TECRL: variants seen among roughly 807,000 people sequenced by gnomAD.
The protein encoded by TECRL is trans-2,3-enoyl-CoA reductase-like.
Under a neutral mutation model 52.8 loss-of-function variants are expected in TECRL, and 63 were observed. That is an observed-to-expected ratio of 1.19 (90% CI 0.97 to 1.47). The LOEUF (loss-of-function observed/expected upper bound fraction) is 1.47. Among genes scored for constraint, TECRL ranks in the 40% most tolerant of loss-of-function variants. The pLI, the probability that TECRL is intolerant of heterozygous loss-of-function variation, is 0.00. For missense variants in TECRL, 482 were observed against 429.6 expected (o/e 1.12, Z -1.08); for synonymous variants, 164 against 141.9 (o/e 1.16, Z -1.10).
At chr4:64,360,460 G>T (rs1446956209) in intron 2 of TECRL, among the ~76,000 whole-genome samples, 1 of 152,084 alleles carries the variant, frequency 6.6e-6, no homozygotes, top group East Asian at 1.9e-4. Flanking sequence ...TTAAAATCAA[G>T]AGAACATCTG....
intron 8 of TECRL, among the ~76,000 whole-genome samples, chr4:64,293,525 C>T (rs1723509025): frequency 6.6e-6 from 1 of 152,122 alleles, no homozygotes. Context: ...AATAAAGTTG[C>T]TCATCTTTTA....
Position 64,281,484 on chromosome 4 carries a change from T to C in TECRL, c.908A>G (p.Tyr303Cys). 6.3e-7 allele frequency: 1 copy of C among 1,592,080 alleles called. No individual in the cohort carries two copies. The highest frequency in any genetic ancestry group is 8.6e-7 in the Non-Finnish European group (1 of 1,163,324). The change falls in exon 10 of 12, where the codon TAC becomes TGC. Residue 303 changes from tyrosine (Y) to cysteine (C), a missense_variant. Tyr to Cys is a radical substitution (Grantham distance 194). Coordinates refer to ENST00000381210, the MANE Select transcript of TECRL (RefSeq NM_001010874.5). The part of the protein sequence containing the change: ...WMFFLVSCPN[Y>C]TYEIGSWISF... ...ACATAAATAACATACCTCATAGGTG[T>C]AGTTAGGACATGAAACCAGGAAAAA...
intron 1 of TECRL, among the ~76,000 whole-genome samples, chr4:64,405,998 G>C (rs1201381328): frequency 1.3e-5 from 2 of 152,054 alleles, no homozygotes; most frequent in Non-Finnish European, 2.9e-5. Context: ...AGAACTGATG[G>C]AAGTGAGTGC....
intron 1 of TECRL, among the ~76,000 whole-genome samples, chr4:64,381,546 A>T (rs1481614050): frequency 1.3e-5 from 2 of 151,870 alleles, no homozygotes; most frequent in Non-Finnish European, 2.9e-5. Context: ...CTTTATGTTG[A>T]GGTATGTTCA....
At chr4:64,348,666 C>T (rs1430619729) in intron 2 of TECRL, among the ~76,000 whole-genome samples, 3 of 152,148 alleles carry the variant, frequency 2.0e-5, no homozygotes, top group African/African-American at 7.2e-5. Flanking sequence ...AGAGTCTGTT[C>T]TAGCATATTT....
intron 3 of TECRL, among the ~76,000 whole-genome samples, chr4:64,324,989 G>C (rs950740853): frequency 1.3e-5 from 2 of 152,096 alleles, no homozygotes; most frequent in African/African-American, 2.4e-5. Context: ...AGATTATCTA[G>C]GTAGTCCTGA....
At chr4:64,310,450 G>C (rs1724607080) in intron 5 of TECRL, among the ~76,000 whole-genome samples, 3 of 151,910 alleles carry the variant, frequency 2.0e-5, no homozygotes, top group South Asian at 4.1e-4. Flanking sequence ...TTTTTGTTTT[G>C]TTTGTTTTTT....
At chr4:64,401,541 G>C (rs1438082950) in intron 1 of TECRL, among the ~76,000 whole-genome samples, 2 of 152,028 alleles carry the variant, frequency 1.3e-5, no homozygotes, top group Admixed American at 6.6e-5. Flanking sequence ...AGACTTCTCA[G>C]TATAATTTGT....
In TECRL at chr4:64,375,185, C is replaced by T. The variant is rs1722310513; in HGVS notation, c.273G>A (p.Lys91=). Residue 91 remains lysine, a synonymous_variant, in exon 2 of 12, where the codon AAG becomes AAA. Transcript: ENST00000381210. ...TATAAAACTTACATGCTTTGTGAAA[C>T]TTTTGCTTAACATCATGAATAGTAG... is the stretch of plus-strand genomic sequence containing the variant. ...QSSTIHDVKQ[K]FHKACPKWYP... is the part of the protein sequence containing the mutation. 7.2e-7 allele frequency: 1 copy of T among 1,396,492 alleles called. No homozygotes were observed. The highest frequency in any genetic ancestry group is 2.8e-5 in the East Asian group (1 of 35,296). The allele number at this position is 1,396,492 out of a possible 1,614,324, so 86.5% of individuals were successfully genotyped here. A position where few individuals can be genotyped will look rare whatever the true frequency, so the allele number is the denominator to read the frequency against.
chr4:64,329,437 C>A (rs1044004709), intron 2 of TECRL, among the ~76,000 whole-genome samples: 1 of 151,452 alleles, frequency 6.6e-6, no homozygotes, highest in East Asian at 1.9e-4. Context: ...AAATGAGAAA[C>A]CATGGACAGA....
chr4:64,277,118 G>T, downstream of TECRL: 1 of 1,062,162 alleles, frequency 9.4e-7, no homozygotes, highest in Non-Finnish European at 1.4e-6. Context: ...TTTAACTAAG[G>T]TATGTCTGCC....
chr4:64,358,003 C>A (rs13136366), intron 2 of TECRL, among the ~76,000 whole-genome samples: 1 of 151,474 alleles, frequency 6.6e-6, no homozygotes, highest in Non-Finnish European at 1.5e-5. Context: ...GTATTCACTA[C>A]TAATCCAAAA....
At chr4:64,354,441 AG>A (rs1186210228) in intron 2 of TECRL, among the ~76,000 whole-genome samples, 1 of 152,200 alleles carries the variant, frequency 6.6e-6, no homozygotes, top group Admixed American at 6.5e-5. Flanking sequence ...CTTTTACAGC[AG>A]GACAAGTAGC....
chr4:64,314,802 AGATG>A, intron 4 of TECRL, 39 bp from the exon 5 acceptor site: 4 of 1,435,778 alleles, frequency 2.8e-6, no homozygotes, highest in Non-Finnish European at 3.9e-6. Context: ...CGATAAAAAT[AGATG>A]TTTTTAAGGT....
intron 8 of TECRL, among the ~76,000 whole-genome samples, chr4:64,296,767 A>G (rs1405058220): frequency 6.6e-6 from 1 of 151,710 alleles, no homozygotes; most frequent in African/African-American, 2.4e-5. Flanking sequence ...GTGGAATTGG[A>G]TTCAGAGGAT....
chr4:64,350,558 T>G (rs2109570614), intron 2 of TECRL, among the ~76,000 whole-genome samples: 1 of 152,298 alleles, frequency 6.6e-6, no homozygotes, highest in African/African-American at 2.4e-5. Flanking sequence ...AATATTAAGA[T>G]TATATAATTT....
At chr4:64,307,424 G>T (rs1293856554) in intron 6 of TECRL, among the ~76,000 whole-genome samples, 1 of 152,092 alleles carries the variant, frequency 6.6e-6, no homozygotes, top group Non-Finnish European at 1.5e-5. Context: ...GGTCACACTT[G>T]CATCCACAGG....
At chr4:64,313,710 T>G (rs1717243057) in intron 5 of TECRL, among the ~76,000 whole-genome samples, 1 of 150,582 alleles carries the variant, frequency 6.6e-6, no homozygotes, top group Non-Finnish European at 1.5e-5. Flanking sequence ...CTCGATCTCC[T>G]GACCTTGTGA....
intron 3 of TECRL, among the ~76,000 whole-genome samples, chr4:64,325,189 A>T (rs1248085684): frequency 6.6e-6 from 1 of 152,196 alleles, no homozygotes; most frequent in South Asian, 2.1e-4. Context: ...GAACACAGGA[A>T]CTTCTTCCAT....
Sources: allele counts gnomAD v4.1 joint callset (sites outside exome capture counted in the v4.1 genomes callset), GRCh38; gene constraint gnomAD v4.1.1; transcripts MANE v1.5; gene names NCBI Gene and HGNC (gene_info 2026-07-23, HGNC 2026-07-21).